SCP2: variants seen among roughly 807,000 people sequenced by gnomAD.
SCP2 encodes sterol carrier protein 2, also known as SCP-2/3-oxoacyl-CoA thiolase.
SCP2 carries 48 observed loss-of-function variants against 71.4 expected under a neutral mutation model. The ratio of observed to expected loss-of-function variants is 0.67; its 90% CI spans 0.53 to 0.86. The LOEUF (loss-of-function observed/expected upper bound fraction) is 0.86, where lower values mean the gene tolerates loss of function less well. Among genes scored for constraint, SCP2 ranks in the 40% least tolerant of loss-of-function variants. The pLI is 0.00. For synonymous variants in SCP2, 220 were observed against 218.1 expected (o/e 1.01, Z -0.08); for missense variants, 560 against 655.6 (o/e 0.85, Z 1.59).
At chr1:52,962,572 C>T (rs1466433943) in intron 6 of SCP2, among the ~76,000 whole-genome samples, 1 of 151,228 alleles carries the variant, frequency 6.6e-6, no homozygotes, top group Non-Finnish European at 1.5e-5. Context: ...ATGATCATTC[C>T]CTTCACCCTC....
intron 11 of SCP2, among the ~76,000 whole-genome samples, chr1:53,006,458 G>C (rs1660644938): frequency 6.6e-6 from 1 of 152,124 alleles, no homozygotes; most frequent in Admixed American, 6.5e-5. Flanking sequence ...AGCCAGAAGA[G>C]AGTGGGGGCC....
intron 2 of SCP2, among the ~76,000 whole-genome samples, chr1:52,943,101 CT>C (rs1465276647): frequency 6.6e-6 from 1 of 152,088 alleles, no homozygotes; most frequent in Non-Finnish European, 1.5e-5. Flanking sequence ...TATTTTTCCA[CT>C]TGCAATCATA....
chr1:53,015,225 A>G (rs1252820326), intron 12 of SCP2, among the ~76,000 whole-genome samples, 182 bp downstream of exon 12: 1 of 152,234 alleles, frequency 6.6e-6, no homozygotes, highest in Non-Finnish European at 1.5e-5. Flanking sequence ...AACCAACTTT[A>G]GGTGAATTCT....
intron 14 of SCP2, among the ~76,000 whole-genome samples, chr1:53,041,770 C>T (rs972381409): frequency 5.3e-5 from 8 of 152,130 alleles, no homozygotes; most frequent in Non-Finnish European, 7.4e-5. Flanking sequence ...GGTGAAATTT[C>T]GTTACTGGCA....
At chr1:53,041,141 C>T (rs1341544894) in intron 14 of SCP2, among the ~76,000 whole-genome samples, 5 of 152,078 alleles carry the variant, frequency 3.3e-5, no homozygotes, top group Non-Finnish European at 5.9e-5. Flanking sequence ...CGGTGGCTCA[C>T]GCCTGTAATC....
intron 6 of SCP2, among the ~76,000 whole-genome samples, chr1:52,962,291 C>T (rs1290842616): frequency 6.6e-6 from 1 of 152,088 alleles, no homozygotes; most frequent in Non-Finnish European, 1.5e-5. Flanking sequence ...TATCAGCAAG[C>T]CTTTTCTCTA....
At chr1:52,968,523 T>C (rs1050611328) in intron 6 of SCP2, among the ~76,000 whole-genome samples, 4 of 152,204 alleles carry the variant, frequency 2.6e-5, no homozygotes, top group African/African-American at 7.2e-5. Flanking sequence ...ATCATATAAT[T>C]TACTCTTTTA....
intron 12 of SCP2, among the ~76,000 whole-genome samples, chr1:53,024,577 C>T (rs200615237): frequency 0.049 from 5,875 of 118,986 alleles, 211 homozygotes; most frequent in East Asian, 0.25. Context: ...CTTTTTTTTT[C>T]TTTTTTTTTT....
intron 6 of SCP2, among the ~76,000 whole-genome samples, chr1:52,974,205 T>C (rs935179261): frequency 1.2e-4 from 19 of 152,296 alleles, no homozygotes; most frequent in African/African-American, 4.6e-4. Context: ...AAAAAAATTT[T>C]TTTTGCGTGT....
Position 53,051,472 on chromosome 1 carries a change from G to C in SCP2, c.*768G>C, listed in dbSNP as rs1297703825. 2.0e-5 allele frequency: 3 copies of C among 152,114 alleles called. No individual in the cohort carries two copies. The East Asian group carries it at 5.8e-4, about 29-fold the overall frequency. 9.4% of individuals were successfully genotyped at this position (152,114 alleles called of 1,614,324 possible). A position where few individuals can be genotyped will look rare whatever the true frequency, so the allele number is the denominator to read the frequency against. ...CTTTGTTATAATTTTCCTTTTTCAT[G>C]TAAGTTTAATTATCTGCATTTATCT... On this transcript the variant is annotated 3_prime_UTR_variant, in exon 16 of 16. Transcript: ENST00000371514.
chr1:53,021,843 C>T (rs1240326362), intron 12 of SCP2, among the ~76,000 whole-genome samples: 2 of 151,710 alleles, frequency 1.3e-5, no homozygotes, highest in South Asian at 2.1e-4. Flanking sequence ...CGGTGTTTTG[C>T]CATTTTTTCC....
intron 13 of SCP2, among the ~76,000 whole-genome samples, chr1:53,028,716 A>C (rs1331375628): frequency 6.7e-6 from 1 of 150,302 alleles, no homozygotes; most frequent in Non-Finnish European, 1.5e-5. Context: ...TCTTTCAGAC[A>C]TCTTTCTCTG....
intron 4 of SCP2, among the ~76,000 whole-genome samples, chr1:52,953,139 G>C (rs1242240235): frequency 2.0e-5 from 3 of 147,274 alleles, no homozygotes; most frequent in Non-Finnish European, 3.0e-5. Context: ...ATTTTTAGGG[G>C]CCCCCCTCTC....
chr1:53,051,092 A>G lies in SCP2; in HGVS notation c.*388A>G, dbSNP rs1572245271. ...TCAGTTTAAGAGTTTTCCTTGGGAG[A>G]ACTAAGTAAGAAACACAATGCCAAC... is the stretch of plus-strand genomic sequence containing the variant. On this transcript the variant is annotated 3_prime_UTR_variant, in exon 16 of 16. Coordinates refer to ENST00000371514, the MANE Select transcript of SCP2 (RefSeq NM_002979.5). 3 of 164,198 alleles carry G rather than the reference A, an allele frequency of 1.8e-5. No individual in the cohort carries two copies. In the South Asian group the frequency reaches 4.9e-4, roughly 27 times the overall value. The allele number at this position is 164,198 out of a possible 1,614,324, so 10.2% of individuals were successfully genotyped here.
At chr1:52,970,332 C>T (rs1403108044) in intron 6 of SCP2, among the ~76,000 whole-genome samples, 1 of 152,130 alleles carries the variant, frequency 6.6e-6, no homozygotes, top group East Asian at 1.9e-4. Flanking sequence ...GCACCACAGC[C>T]ACAAACCCCT....
chr1:53,015,547 T>A (rs1661276141), intron 12 of SCP2, among the ~76,000 whole-genome samples: 1 of 152,186 alleles, frequency 6.6e-6, no homozygotes, highest in Non-Finnish European at 1.5e-5. Flanking sequence ...TCAGGATCCC[T>A]CAACTCCCTT....
At chr1:52,931,977 T>C (rs981602691) in intron 1 of SCP2, among the ~76,000 whole-genome samples, 1 of 151,692 alleles carries the variant, frequency 6.6e-6, no homozygotes, top group Non-Finnish European at 1.5e-5. Flanking sequence ...TCTTAGGAAA[T>C]TAAACATATT....
chr1:52,960,526 G>GTATATA (rs1557561978), intron 5 of SCP2, among the ~76,000 whole-genome samples: 2 of 136,012 alleles, frequency 1.5e-5, no homozygotes, highest in African/African-American at 5.6e-5. Flanking sequence ...GTGTATATGT[G>GTATATA]TGTATATATA....
chr1:52,940,895 G>A (rs536471040), intron 1 of SCP2, among the ~76,000 whole-genome samples: 37 of 152,212 alleles, frequency 2.4e-4, no homozygotes, highest in African/African-American at 8.7e-4. Context: ...GATCACAGGC[G>A]TATACCGCCA....
Sources: allele counts gnomAD v4.1 joint callset (sites outside exome capture counted in the v4.1 genomes callset), GRCh38; gene constraint gnomAD v4.1.1; transcripts MANE v1.5; gene names NCBI Gene and HGNC (gene_info 2026-07-23, HGNC 2026-07-21).